Variants in TMC1 observed in about 807,000 individuals in gnomAD.
TMC1 encodes transmembrane channel-like protein 1.
In TMC1, 84 loss-of-function variants were observed where a neutral mutation model predicts 105.8. The ratio of observed to expected loss-of-function variants is 0.79; its 90% CI spans 0.67 to 0.95. TMC1 has a LOEUF of 0.95. Ranked by LOEUF, TMC1 falls within the 40% of genes least tolerant of loss-of-function variation. The pLI is 0.00. For synonymous variants in TMC1, 315 were observed against 311.5 expected (o/e 1.01, Z -0.12); for missense variants, 817 against 914.1 (o/e 0.89, Z 1.37).
intron 2 of TMC1, among the ~76,000 whole-genome samples, chr9:72,615,793 G>A (rs532253704): frequency 4.7e-5 from 7 of 148,064 alleles, no homozygotes; most frequent in East Asian, 3.9e-4. Flanking sequence ...TCACTCAGTC[G>A]CTCGGGCTGG....
At chr9:72,769,784 G>A (rs1446109123) in intron 12 of TMC1, among the ~76,000 whole-genome samples, 1 of 152,176 alleles carries the variant, frequency 6.6e-6, no homozygotes, top group East Asian at 1.9e-4. Flanking sequence ...TGTCACATCT[G>A]TGGCAAGGAA....
chr9:72,792,089 C>T, intron 16 of TMC1, 24 bp downstream of exon 16: 1 of 1,613,802 alleles, frequency 6.2e-7, no homozygotes, highest in Non-Finnish European at 8.5e-7. Flanking sequence ...CTGGATTGTC[C>T]TTGCCATAAG....
intron 5 of TMC1, among the ~76,000 whole-genome samples, chr9:72,686,853 T>C (rs1350456109): frequency 6.6e-6 from 1 of 152,178 alleles, no homozygotes; most frequent in Non-Finnish European, 1.5e-5. Flanking sequence ...TCTGTTTTAG[T>C]TCTCTACTTG....
chr9:72,662,912 G>A (rs1173902258), intron 5 of TMC1, among the ~76,000 whole-genome samples: 1 of 152,174 alleles, frequency 6.6e-6, no homozygotes, highest in Non-Finnish European at 1.5e-5. Flanking sequence ...ATACAGTCAT[G>A]TGTTGCTTAA....
At chr9:72,713,077 T>G (rs987962967) in intron 8 of TMC1, among the ~76,000 whole-genome samples, 1 of 152,194 alleles carries the variant, frequency 6.6e-6, no homozygotes, top group African/African-American at 2.4e-5. Context: ...GGATTACATT[T>G]ATTGATTCGC....
intron 2 of TMC1, among the ~76,000 whole-genome samples, chr9:72,592,114 G>C (rs1320531620): frequency 3.3e-5 from 5 of 152,116 alleles, no homozygotes; most frequent in Non-Finnish European, 2.9e-5. Flanking sequence ...AACAGGATTT[G>C]ATCAGCAGGG....
At chr9:72,547,915 A>G (rs1460655985) in intron 1 of TMC1, among the ~76,000 whole-genome samples, 1 of 152,228 alleles carries the variant, frequency 6.6e-6, no homozygotes, top group Non-Finnish European at 1.5e-5. Flanking sequence ...AAGATCTGGT[A>G]TCTGCTGAGG....
intron 3 of TMC1, among the ~76,000 whole-genome samples, chr9:72,617,168 T>G (rs1825148262): frequency 6.6e-6 from 1 of 152,136 alleles, no homozygotes; most frequent in Non-Finnish European, 1.5e-5. Context: ...TATTTTTATT[T>G]ATTTATTTTT....
chr9:72,806,428 G>C (rs915720711), intron 18 of TMC1, among the ~76,000 whole-genome samples: 2 of 151,212 alleles, frequency 1.3e-5, no homozygotes, highest in Non-Finnish European at 2.9e-5. Context: ...CCCGGACGGG[G>C]TGGCTGCCGG....
intron 5 of TMC1, among the ~76,000 whole-genome samples, chr9:72,676,043 A>G (rs1183219638): frequency 1.3e-5 from 2 of 152,148 alleles, no homozygotes; most frequent in East Asian, 3.9e-4. Flanking sequence ...TCATCCTCCA[A>G]TTGGTAACAA....
At chr9:72,830,763 TC>T in intron 23 of TMC1, 81 bp downstream of exon 23, 1 of 1,236,466 alleles carries the variant, frequency 8.1e-7, no homozygotes, top group South Asian at 1.4e-5. Flanking sequence ...TTGCTTTTTC[TC>T]CATTGGATGG....
intron 4 of TMC1, among the ~76,000 whole-genome samples, chr9:72,631,120 T>G (rs1438848632): frequency 2.0e-5 from 3 of 152,158 alleles, no homozygotes; most frequent in Non-Finnish European, 4.4e-5. Flanking sequence ...CCTCCAAAAG[T>G]GCTGGGATTT....
chr9:72,633,280 T>C (rs1473475809), intron 4 of TMC1, among the ~76,000 whole-genome samples: 1 of 152,234 alleles, frequency 6.6e-6, no homozygotes, highest in Non-Finnish European at 1.5e-5. Context: ...TAACCAATTA[T>C]TTACTTCACA....
chr9:72,578,595 G>T (rs1280416895), intron 2 of TMC1, among the ~76,000 whole-genome samples: 3 of 152,144 alleles, frequency 2.0e-5, no homozygotes, highest in Non-Finnish European at 2.9e-5. Flanking sequence ...CTTTGCCGTA[G>T]GACTGTTTTC....
intron 5 of TMC1, among the ~76,000 whole-genome samples, chr9:72,686,264 T>C (rs991995919): frequency 6.6e-6 from 1 of 152,106 alleles, no homozygotes; most frequent in African/African-American, 2.4e-5. Flanking sequence ...TCAATGGGCA[T>C]TGGGGAGCAG....
At chr9:72,720,895 G>C (rs529538525) in intron 8 of TMC1, among the ~76,000 whole-genome samples, 374 of 152,240 alleles carry the variant, frequency 2.5e-3, no homozygotes, top group Admixed American at 4.7e-3. Flanking sequence ...GCTATCTGTA[G>C]TGAACACATC....
intron 1 of TMC1, among the ~76,000 whole-genome samples, chr9:72,560,779 C>T (rs7866502): frequency 0.027 from 4,178 of 151,934 alleles, 176 homozygotes; most frequent in African/African-American, 0.09. Context: ...CCACCGCGCC[C>T]GGCCTCATTT....
intron 10 of TMC1, among the ~76,000 whole-genome samples, chr9:72,744,004 TA>T (rs1366224618): frequency 6.6e-6 from 1 of 152,192 alleles, no homozygotes; most frequent in African/African-American, 2.4e-5. Flanking sequence ...GTTGTATAAT[TA>T]AAATGGAGGC....
rs192067457 is a variant in TMC1, at chr9:72,787,482, C to A, written c.885-857C>A. ...TATATGACTATAATATTTTAAAAAC[C>A]AAAACCTTATGGGACCATTTTATAA... On this transcript the variant is annotated intron_variant, in intron 13 of 23. Transcript: ENST00000297784. Among the ~76,000 whole-genome samples, 12 of 151,574 alleles carry A rather than the reference C, an allele frequency of 7.9e-5. No homozygotes were observed. The East Asian group carries it at 2.3e-3, about 29-fold the overall frequency.
Sources: allele counts gnomAD v4.1 joint callset (sites outside exome capture counted in the v4.1 genomes callset), GRCh38; gene constraint gnomAD v4.1.1; transcripts MANE v1.5; gene names NCBI Gene and HGNC (gene_info 2026-07-23, HGNC 2026-07-21).